The following TENM3 variants were observed in gnomAD, a reference collection of about 807,000 sequenced individuals.
The protein encoded by TENM3 is teneurin-3.
TENM3 carries 63 observed loss-of-function variants against 255.1 expected under a neutral mutation model. The ratio of observed to expected loss-of-function variants is 0.25; its 90% CI spans 0.20 to 0.30. The LOEUF (loss-of-function observed/expected upper bound fraction) is 0.30, where lower values mean the gene tolerates loss of function less well. Among genes scored for constraint, TENM3 ranks in the 10% least tolerant of loss-of-function variants. The pLI is 1.00. For missense variants in TENM3, 2,929 were observed against 3,461.1 expected (o/e 0.85, Z 3.86); for synonymous variants, 1,306 against 1,322.3 (o/e 0.99, Z 0.27).
At chr4:181,482,091 G>A in the TENM3 span, among the ~76,000 whole-genome samples, 4 of 151,992 alleles carry the variant, frequency 2.6e-5, no homozygotes, top group Non-Finnish European at 4.4e-5. Context: ...AAGTTGTGAT[G>A]AATATTTTTA....
the TENM3 span, among the ~76,000 whole-genome samples, chr4:182,128,668 C>T: frequency 2.1e-4 from 32 of 152,120 alleles, 1 homozygote; most frequent in Non-Finnish European, 7.4e-5. Context: ...ACACTAAGAA[C>T]GAAGTTAGTA....
the TENM3 span, among the ~76,000 whole-genome samples, chr4:181,861,911 T>C: frequency 6.6e-6 from 1 of 152,138 alleles, no homozygotes; most frequent in African/African-American, 2.4e-5. Flanking sequence ...AGATAACTCA[T>C]TTGTGGAATT....
chr4:182,446,748 T>G (rs980825654), intron 3 of TENM3, among the ~76,000 whole-genome samples: 1 of 152,040 alleles, frequency 6.6e-6, no homozygotes, highest in Admixed American at 6.5e-5. Context: ...ACATGAGACA[T>G]GCCGCCCAGC....
At chr4:182,336,427 A>C (rs1206834978) in intron 2 of TENM3, among the ~76,000 whole-genome samples, 1 of 152,230 alleles carries the variant, frequency 6.6e-6, no homozygotes, top group Non-Finnish European at 1.5e-5. Context: ...TGAAATAAAC[A>C]ATAACACAAA....
the TENM3 span, among the ~76,000 whole-genome samples, chr4:182,044,048 T>G: frequency 2.0e-5 from 3 of 152,192 alleles, no homozygotes; most frequent in Non-Finnish European, 4.4e-5. Flanking sequence ...AGTGTTCCTC[T>G]GAGATACATA....
At chr4:182,746,539 G>C in intron 19 of TENM3, among the ~76,000 whole-genome samples, 1 of 152,192 alleles carries the variant, frequency 6.6e-6, no homozygotes, top group African/African-American at 2.4e-5. Context: ...AGATTGCTTG[G>C]GGCCTTGAGG....
At chr4:181,729,322 G>A in the TENM3 span, among the ~76,000 whole-genome samples, 5 of 152,158 alleles carry the variant, frequency 3.3e-5, no homozygotes, top group African/African-American at 9.7e-5. Flanking sequence ...TGACATGACT[G>A]TCGTTGCTCT....
the TENM3 span, among the ~76,000 whole-genome samples, chr4:182,058,856 T>G: frequency 6.6e-6 from 1 of 151,928 alleles, no homozygotes; most frequent in African/African-American, 2.4e-5. Flanking sequence ...TGCTCTGGAG[T>G]ATAATAAAAG....
chr4:181,605,564 AAGAAAG>A, the TENM3 span, among the ~76,000 whole-genome samples: 68 of 25,022 alleles, frequency 2.7e-3, 13 homozygotes, highest in Non-Finnish European at 4.9e-3. Flanking sequence ...GAAAGAAAGA[AAGAAAG>A]AGAGAGAAAG....
the TENM3 span, among the ~76,000 whole-genome samples, chr4:181,918,421 T>A: frequency 6.6e-6 from 1 of 152,200 alleles, no homozygotes; most frequent in Admixed American, 6.5e-5. Flanking sequence ...AAGAATAAAT[T>A]AACTTCTTCA....
chr4:182,389,900 T>C (rs1768304757), intron 3 of TENM3, among the ~76,000 whole-genome samples: 1 of 152,092 alleles, frequency 6.6e-6, no homozygotes, highest in Non-Finnish European at 1.5e-5. Context: ...TTGGCCAGGA[T>C]GGTCTCCGTC....
At chr4:182,272,018 C>T (rs564294518) in intron 1 of TENM3, among the ~76,000 whole-genome samples, 4 of 152,284 alleles carry the variant, frequency 2.6e-5, no homozygotes, top group African/African-American at 9.6e-5. Flanking sequence ...GGTTTGTCTC[C>T]ACACAGCTCT....
At position 182,728,083 on chromosome 4, in the gene TENM3, AG is replaced by A. The variant is rs759231035; in HGVS notation, c.2369-880del. On this transcript the variant is annotated intron_variant, in intron 13 of 27. Coordinates refer to ENST00000511685, the MANE Select transcript of TENM3 (RefSeq NM_001080477.4). ...AGGCTGGTCTCGAACTCCTGACCTC[AG>A]GTGATATGCCCACCTCAGCCTCCCA... Among the ~76,000 whole-genome samples the A allele has an allele frequency of 5.8e-4, 88 of 152,218 alleles. 1 individual carries two copies. Among genetic ancestry groups the A allele is most frequent in the Admixed American group, 1.6e-3 (25 of 15,290 alleles).
chr4:181,953,715 G>A, the TENM3 span, among the ~76,000 whole-genome samples: 1 of 152,028 alleles, frequency 6.6e-6, no homozygotes, highest in African/African-American at 2.4e-5. Context: ...AATAACATAT[G>A]TGAAGAAGCT....
At chr4:181,463,755 A>T in the TENM3 span, among the ~76,000 whole-genome samples, 3 of 152,102 alleles carry the variant, frequency 2.0e-5, no homozygotes, top group Non-Finnish European at 4.4e-5. Flanking sequence ...ATTTTAAAAC[A>T]TTTGTATCAC....
the TENM3 span, among the ~76,000 whole-genome samples, chr4:181,761,016 C>T: frequency 8.4e-5 from 6 of 71,606 alleles, no homozygotes; most frequent in Non-Finnish European, 1.4e-4. Context: ...ACACACACCC[C>T]GAATAATCAT....
At chr4:182,691,395 A>G (rs532167765) in intron 12 of TENM3, among the ~76,000 whole-genome samples, 1 of 152,370 alleles carries the variant, frequency 6.6e-6, no homozygotes, top group African/African-American at 2.4e-5. Flanking sequence ...AGTAAACAGA[A>G]GCAAACAAAA....
the TENM3 span, among the ~76,000 whole-genome samples, chr4:181,618,028 T>G: frequency 6.6e-6 from 1 of 152,170 alleles, no homozygotes; most frequent in Non-Finnish European, 1.5e-5. Context: ...TACCTACATA[T>G]ACATAGCACA....
intron 24 of TENM3, among the ~76,000 whole-genome samples, chr4:182,777,484 TTC>T (rs370856647): frequency 6.7e-6 from 1 of 149,542 alleles, no homozygotes; most frequent in Non-Finnish European, 1.5e-5. Context: ...AGAGATATCA[TTC>T]TCTCTGTCTA....
Sources: gnomAD v4.1 joint callset for allele counts (sites outside exome capture counted in the v4.1 genomes callset) on GRCh38, gnomAD v4.1.1 for gene constraint, MANE v1.5 for transcripts, NCBI Gene and HGNC (gene_info 2026-07-23, HGNC 2026-07-21) for gene names.